The following LRRC4C variants were observed in gnomAD, a reference collection of about 807,000 sequenced individuals.
The protein encoded by LRRC4C is leucine rich repeat containing 4C, also known as leucine-rich repeat-containing protein 4C.
Under a neutral mutation model 33.6 loss-of-function variants are expected in LRRC4C, and 5 were observed. The ratio of observed to expected loss-of-function variants is 0.15; its 90% CI spans 0.08 to 0.31. The LOEUF is 0.31. LRRC4C is among the 10% of genes least tolerant of loss of function. The pLI, the probability that LRRC4C is intolerant of heterozygous loss-of-function variation, is 1.00. For missense variants in LRRC4C, 560 were observed against 796.7 expected, an observed-to-expected ratio of 0.70 and a Z score of 3.58; for synonymous variants, 329 against 302.0, an observed-to-expected ratio of 1.09 and a Z score of -0.93.
intron 2 of LRRC4C, among the ~76,000 whole-genome samples, chr11:40,849,657 C>T (rs190077137): frequency 7.2e-5 from 11 of 152,158 alleles, no homozygotes; most frequent in Non-Finnish European, 1.2e-4. Context: ...GTGGTGTTCT[C>T]TGTATTCCCA....
At chr11:40,688,804 C>T (rs1945090339) in intron 2 of LRRC4C, among the ~76,000 whole-genome samples, 1 of 152,034 alleles carries the variant, frequency 6.6e-6, no homozygotes, top group African/African-American at 2.4e-5. Context: ...CATAATGAAC[C>T]ACAGTGGCTT....
chr11:41,213,375 G>A (rs1234084358), intron 1 of LRRC4C, among the ~76,000 whole-genome samples: 1 of 152,196 alleles, frequency 6.6e-6, no homozygotes, highest in Non-Finnish European at 1.5e-5. Context: ...CCTTTTCTCA[G>A]ACAAACGTCT....
At chr11:40,223,152 T>TG (rs1219512426) in intron 5 of LRRC4C, among the ~76,000 whole-genome samples, 2 of 152,214 alleles carry the variant, frequency 1.3e-5, no homozygotes, top group African/African-American at 4.8e-5. Context: ...ATGTTTGCAA[T>TG]GGGGAAATCA....
intron 2 of LRRC4C, among the ~76,000 whole-genome samples, chr11:40,793,293 T>G (rs889804857): frequency 1.3e-5 from 2 of 152,130 alleles, no homozygotes; most frequent in Non-Finnish European, 2.9e-5. Flanking sequence ...ATTAAGAAAT[T>G]TCTTACTTGA....
chr11:40,180,746 T>C (rs888327710), intron 5 of LRRC4C, among the ~76,000 whole-genome samples: 2 of 152,184 alleles, frequency 1.3e-5, no homozygotes, highest in African/African-American at 4.8e-5. Context: ...TGTAAGGAGA[T>C]GTTTGCATGC....
intron 1 of LRRC4C, among the ~76,000 whole-genome samples, chr11:41,189,866 G>C (rs879858687): frequency 2.4e-4 from 37 of 152,174 alleles, no homozygotes; most frequent in Admixed American, 1.5e-3. Flanking sequence ...CTGGTCTGCT[G>C]TCACAAAGCA....
intron 3 of LRRC4C, among the ~76,000 whole-genome samples, chr11:40,523,812 T>C (rs1322964525): frequency 5.3e-5 from 8 of 152,078 alleles, no homozygotes; most frequent in African/African-American, 1.4e-4. Context: ...CCATTACTTG[T>C]TTGGTTGGAA....
At chr11:40,293,934 T>A (rs1252342752) in intron 4 of LRRC4C, 1 of 152,264 alleles carries the variant, frequency 6.6e-6, no homozygotes, top group East Asian at 1.9e-4. Context: ...ACTCTCTTCC[T>A]CCCCCTCCCT....
chr11:40,876,701 G>A (rs983540511), intron 2 of LRRC4C, among the ~76,000 whole-genome samples: 3 of 151,878 alleles, frequency 2.0e-5, no homozygotes, highest in African/African-American at 7.3e-5. Flanking sequence ...TCAGGAGATT[G>A]AGACCTTACT....
At chr11:40,309,789 G>A (rs946995411) in intron 4 of LRRC4C, among the ~76,000 whole-genome samples, 2 of 152,134 alleles carry the variant, frequency 1.3e-5, no homozygotes, top group Non-Finnish European at 2.9e-5. Flanking sequence ...TGACAGGCAA[G>A]AGACACCATG....
chr11:41,308,785 T>A (rs1268834159), intron 1 of LRRC4C, among the ~76,000 whole-genome samples: 1 of 151,634 alleles, frequency 6.6e-6, no homozygotes, highest in Non-Finnish European at 1.5e-5. Context: ...AGGAAACCCC[T>A]GCAGATACAA....
chr11:40,504,927 T>G (rs2138661682), intron 3 of LRRC4C, among the ~76,000 whole-genome samples: 1 of 152,320 alleles, frequency 6.6e-6, no homozygotes, highest in East Asian at 1.9e-4. Flanking sequence ...TCCAGAATTG[T>G]AATCAAATTT....
chr11:40,937,662 C>T (rs1592137896), intron 1 of LRRC4C, among the ~76,000 whole-genome samples: 1 of 142,750 alleles, frequency 7.0e-6, no homozygotes, highest in African/African-American at 2.7e-5. Flanking sequence ...TTGTTGTTGT[C>T]TTTTTTGAGA....
chr11:40,494,265 A>C (rs1954312729), intron 3 of LRRC4C, among the ~76,000 whole-genome samples: 1 of 152,158 alleles, frequency 6.6e-6, no homozygotes, highest in African/African-American at 2.4e-5. Context: ...ACAGTACTCA[A>C]ACTGAAAAAG....
At chr11:40,798,941 G>T (rs1000380252) in intron 2 of LRRC4C, among the ~76,000 whole-genome samples, 2 of 152,090 alleles carry the variant, frequency 1.3e-5, no homozygotes, top group Admixed American at 1.3e-4. Context: ...ACCATGCTCT[G>T]CTGTATTATA....
intron 1 of LRRC4C, among the ~76,000 whole-genome samples, chr11:41,106,651 C>G (rs1590607090): frequency 6.6e-6 from 1 of 152,144 alleles, no homozygotes; most frequent in East Asian, 1.9e-4. Context: ...TTTTCATCAT[C>G]TTTCTCATAT....
intron 6 of LRRC4C, among the ~76,000 whole-genome samples, chr11:40,122,950 T>TACACACACAC (rs1156357472): frequency 1.1e-5 from 1 of 89,068 alleles, no homozygotes; most frequent in Non-Finnish European, 2.3e-5. Flanking sequence ...TATATATATT[T>TACACACACAC]ATACACACAC....
intron 1 of LRRC4C, among the ~76,000 whole-genome samples, chr11:41,108,141 A>C (rs1213014086): frequency 6.6e-6 from 1 of 152,150 alleles, no homozygotes; most frequent in Non-Finnish European, 1.5e-5. Flanking sequence ...CTTATCAAGT[A>C]GAACAAATAT....
intron 3 of LRRC4C, among the ~76,000 whole-genome samples, chr11:40,342,519 C>T (rs542223002): frequency 3.3e-5 from 5 of 152,014 alleles, no homozygotes; most frequent in Admixed American, 2.6e-4. Context: ...TCTCATAAAT[C>T]AGTGAGGAAA....
Sources: gnomAD v4.1 joint callset for allele counts (sites outside exome capture counted in the v4.1 genomes callset) on GRCh38, gnomAD v4.1.1 for gene constraint, MANE v1.5 for transcripts, NCBI Gene and HGNC (gene_info 2026-07-23, HGNC 2026-07-21) for gene names.